The following STXBP6 variants were observed in gnomAD, a reference collection of about 807,000 sequenced individuals.
STXBP6 encodes the protein syntaxin-binding protein 6.
STXBP6 carries 21 observed loss-of-function variants against 26.9 expected under a neutral mutation model. That is an observed-to-expected ratio of 0.78 (90% CI 0.55 to 1.12). The LOEUF is 1.12. Ranked by LOEUF, STXBP6 falls within the 50% of genes most tolerant of loss-of-function variation. STXBP6 has a pLI of 0.00. For missense variants in STXBP6, 232 were observed against 257.9 expected, an observed-to-expected ratio of 0.90 and a Z score of 0.69; for synonymous variants, 97 against 92.6, an observed-to-expected ratio of 1.05 and a Z score of -0.27.
At chr14:24,874,237 G>A (rs2070050258) in intron 2 of STXBP6, among the ~76,000 whole-genome samples, 2 of 152,134 alleles carry the variant, frequency 1.3e-5, no homozygotes, top group African/African-American at 4.8e-5. Flanking sequence ...GGTGTTGTGG[G>A]GAGGGCATCC....
intron 2 of STXBP6, among the ~76,000 whole-genome samples, chr14:24,880,601 G>T (rs950378648): frequency 6.6e-6 from 1 of 152,218 alleles, no homozygotes; most frequent in African/African-American, 2.4e-5. Flanking sequence ...CTGAGTATTT[G>T]GGCTCTGTAT....
intron 2 of STXBP6, among the ~76,000 whole-genome samples, chr14:24,906,031 A>T (rs1165726699): frequency 6.6e-6 from 1 of 152,134 alleles, no homozygotes; most frequent in East Asian, 1.9e-4. Flanking sequence ...TCAATCAAAC[A>T]TCTCTAATTG....
At chr14:25,010,637 G>C (rs2075007125) in intron 1 of STXBP6, 1 of 152,230 alleles carries the variant, frequency 6.6e-6, no homozygotes. Flanking sequence ...TTCTAAACAG[G>C]AAACTAAAGC....
intron 1 of STXBP6, among the ~76,000 whole-genome samples, chr14:24,998,708 G>GCT (rs1396459782): frequency 6.6e-6 from 1 of 152,210 alleles, no homozygotes; most frequent in Non-Finnish European, 1.5e-5. Context: ...CACTGAAGAT[G>GCT]TAAGTGTTAC....
At chr14:24,845,426 T>C (rs2068930047) in intron 4 of STXBP6, among the ~76,000 whole-genome samples, 1 of 152,216 alleles carries the variant, frequency 6.6e-6, no homozygotes, top group Admixed American at 6.5e-5. Flanking sequence ...GTATACCAGC[T>C]GCTAAAGTAA....
rs552562019 is a variant in STXBP6 at position 24,945,139 on chromosome 14, A to ATTTTTTTTTTTTTTTTTTTTTTT, written c.154+29503_154+29525dup. On this transcript the variant is annotated intron_variant, in intron 2 of 5. Transcript: ENST00000323944. ...TGGCATGTATATGAACCAATTAGGA[A>ATTTTTTTTTTTTTTTTTTTTTTT]TTTTTTTTTTTTTTTTTTTTTTTTT... is the stretch of plus-strand genomic sequence containing the variant. Among the ~76,000 whole-genome samples the ATTTTTTTTTTTTTTTTTTTTTTT allele has an allele frequency of 3.5e-4, 35 of 100,716 alleles. 9 individuals carry two copies. Among genetic ancestry groups the ATTTTTTTTTTTTTTTTTTTTTTT allele is most frequent in the African/African-American group, 9.1e-4 (25 of 27,538 alleles). The allele number at this position is 100,716 out of a possible 152,430, so 66.1% of individuals were successfully genotyped here. A position where few individuals can be genotyped will look rare whatever the true frequency, so the allele number is the denominator to read the frequency against.
At chr14:24,832,380 A>G (rs1384974292) in intron 4 of STXBP6, among the ~76,000 whole-genome samples, 1 of 152,222 alleles carries the variant, frequency 6.6e-6, no homozygotes, top group African/African-American at 2.4e-5. Context: ...TGTGAAATTG[A>G]GAACCTCACC....
At chr14:24,879,941 T>A (rs958966800) in intron 2 of STXBP6, among the ~76,000 whole-genome samples, 4 of 152,172 alleles carry the variant, frequency 2.6e-5, no homozygotes, top group Non-Finnish European at 4.4e-5. Context: ...TGGAGATGAT[T>A]TGTTTCTTGC....
intron 4 of STXBP6, among the ~76,000 whole-genome samples, chr14:24,839,284 T>C (rs1021634756): frequency 6.6e-6 from 1 of 152,208 alleles, no homozygotes; most frequent in Non-Finnish European, 1.5e-5. Context: ...AATTCCTTTC[T>C]CTTTTGTGGA....
At chr14:25,018,193 A>T (rs2075192068) in intron 1 of STXBP6, among the ~76,000 whole-genome samples, 1 of 152,070 alleles carries the variant, frequency 6.6e-6, no homozygotes, top group Non-Finnish European at 1.5e-5. Context: ...GGAGATTCTT[A>T]ATACATCTCC....
intron 1 of STXBP6, chr14:24,987,851 G>C (rs2074371363): frequency 1.0e-6 from 1 of 985,406 alleles, no homozygotes; most frequent in Non-Finnish European, 1.2e-6. Flanking sequence ...AATGGACAAA[G>C]AGCAGAGCAA....
intron 1 of STXBP6, among the ~76,000 whole-genome samples, chr14:25,000,860 C>G (rs1038366183): frequency 6.6e-6 from 1 of 151,400 alleles, no homozygotes; most frequent in African/African-American, 2.4e-5. Context: ...AGCATTAGAT[C>G]TTACCCTTTT....
chr14:25,024,856 T>G (rs985711411), intron 1 of STXBP6, among the ~76,000 whole-genome samples: 1 of 152,212 alleles, frequency 6.6e-6, no homozygotes, highest in Non-Finnish European at 1.5e-5. Flanking sequence ...GACTTTCACT[T>G]ATGAAGCATT....
chr14:25,000,796 G>A (rs1290827360), intron 1 of STXBP6, among the ~76,000 whole-genome samples: 2 of 150,566 alleles, frequency 1.3e-5, no homozygotes, highest in Admixed American at 6.6e-5. Flanking sequence ...GATCAGAGAG[G>A]CCAAGAAGAA....
At chr14:24,815,448 AT>A (rs963088999) in intron 5 of STXBP6, among the ~76,000 whole-genome samples, 1 of 149,772 alleles carries the variant, frequency 6.7e-6, no homozygotes, top group Admixed American at 6.7e-5. Flanking sequence ...CATGTATTTT[AT>A]TTTTTATAAT....
chr14:25,000,640 G>C (rs2140328584), intron 1 of STXBP6, among the ~76,000 whole-genome samples: 1 of 149,694 alleles, frequency 6.7e-6, no homozygotes, highest in South Asian at 2.1e-4. Flanking sequence ...CTTCCCCTCT[G>C]CATTTCTGTG....
At chr14:24,989,118 AC>A (rs1203698316) in intron 1 of STXBP6, among the ~76,000 whole-genome samples, 2 of 151,952 alleles carry the variant, frequency 1.3e-5, no homozygotes, top group African/African-American at 4.8e-5. Context: ...TTAGGCTCGC[AC>A]CCCCCACCAT....
At chr14:24,949,556 T>C (rs1023246215) in intron 2 of STXBP6, among the ~76,000 whole-genome samples, 9 of 152,208 alleles carry the variant, frequency 5.9e-5, no homozygotes, top group African/African-American at 1.9e-4. Context: ...GCACGGAAGA[T>C]AGTTATAAAC....
intron 1 of STXBP6, among the ~76,000 whole-genome samples, chr14:25,045,582 C>A (rs1428991908): frequency 6.7e-6 from 1 of 150,042 alleles, no homozygotes; most frequent in Non-Finnish European, 1.5e-5. Context: ...ACATTAAATG[C>A]GTTCATACTT....
Sources: gnomAD v4.1 joint callset for allele counts (sites outside exome capture counted in the v4.1 genomes callset) on GRCh38, gnomAD v4.1.1 for gene constraint, MANE v1.5 for transcripts, NCBI Gene and HGNC (gene_info 2026-07-23, HGNC 2026-07-21) for gene names.